The following SCFD2 variants were observed in gnomAD, a reference collection of about 807,000 sequenced individuals.
The protein encoded by SCFD2 is sec1 family domain-containing protein 2.
SCFD2 carries 54 observed loss-of-function variants against 58.9 expected under a neutral mutation model. The observed-to-expected ratio is 0.92, with a 90% CI of 0.74 to 1.15. The LOEUF (loss-of-function observed/expected upper bound fraction) is 1.15. Among genes scored for constraint, SCFD2 ranks in the 50% most tolerant of loss-of-function variants. The pLI, the probability that SCFD2 is intolerant of heterozygous loss-of-function variation, is 0.00. For synonymous variants in SCFD2, 321 were observed against 335.9 expected, an observed-to-expected ratio of 0.96 and a Z score of 0.49; for missense variants, 805 against 836.6, an observed-to-expected ratio of 0.96 and a Z score of 0.47.
intron 6 of SCFD2, among the ~76,000 whole-genome samples, chr4:52,908,759 C>A (rs916955076): frequency 2.0e-5 from 3 of 152,144 alleles, no homozygotes; most frequent in Non-Finnish European, 4.4e-5. Flanking sequence ...TCATAAATAA[C>A]CATTCAGCAG....
chr4:53,324,738 G>T (rs1733132809), intron 2 of SCFD2, among the ~76,000 whole-genome samples: 1 of 152,124 alleles, frequency 6.6e-6, no homozygotes, highest in African/African-American at 2.4e-5. Context: ...GATGAGGGCA[G>T]GGGAATATTG....
At chr4:53,347,363 G>A (rs960348157) in intron 2 of SCFD2, among the ~76,000 whole-genome samples, 16 of 152,168 alleles carry the variant, frequency 1.1e-4, no homozygotes, top group Non-Finnish European at 1.3e-4. Context: ...AATGCCGGGA[G>A]TGCCTGGCAA....
chr4:53,195,322 C>T (rs780705018), intron 4 of SCFD2, among the ~76,000 whole-genome samples: 6 of 152,146 alleles, frequency 3.9e-5, no homozygotes, highest in African/African-American at 7.2e-5. Context: ...ACAACTTCCC[C>T]GATTTTTTTA....
intron 5 of SCFD2, among the ~76,000 whole-genome samples, chr4:52,947,300 C>T (rs1479221890): frequency 1.3e-5 from 2 of 152,114 alleles, no homozygotes; most frequent in Non-Finnish European, 2.9e-5. Context: ...TTATTTAGAG[C>T]GAGCTCCGGC....
intron 6 of SCFD2, 38 bp from the exon 7 acceptor site, chr4:52,907,629 G>T (rs1344276311): frequency 1.9e-6 from 3 of 1,609,552 alleles, no homozygotes; most frequent in African/African-American, 1.3e-5. Context: ...GGGATTGTTT[G>T]GTTTGTCTGG....
At chr4:53,118,019 C>T (rs956342957) in intron 5 of SCFD2, among the ~76,000 whole-genome samples, 1 of 152,064 alleles carries the variant, frequency 6.6e-6, no homozygotes, top group Non-Finnish European at 1.5e-5. Context: ...CTCAATTCAC[C>T]CAAAACAACC....
At chr4:53,284,646 T>A (rs1373861412) in intron 3 of SCFD2, among the ~76,000 whole-genome samples, 6 of 152,200 alleles carry the variant, frequency 3.9e-5, no homozygotes, top group African/African-American at 1.4e-4. Context: ...AAATAATAAC[T>A]GCCTACACTT....
intron 4 of SCFD2, among the ~76,000 whole-genome samples, chr4:53,217,780 A>C (rs548881521): frequency 1.3e-4 from 20 of 152,220 alleles, no homozygotes; most frequent in Non-Finnish European, 2.4e-4. Flanking sequence ...GTGGCTGGTA[A>C]CGGTTGTTCC....
intron 4 of SCFD2, among the ~76,000 whole-genome samples, chr4:53,237,958 AC>A (rs1266317068): frequency 1.3e-5 from 1 of 76,930 alleles, no homozygotes; most frequent in Non-Finnish European, 2.6e-5. Flanking sequence ...CGAGGGGCTG[AC>A]CCCCCCACCT....
At chr4:52,996,315 A>G (rs1229652154) in intron 5 of SCFD2, among the ~76,000 whole-genome samples, 1 of 152,230 alleles carries the variant, frequency 6.6e-6, no homozygotes, top group Non-Finnish European at 1.5e-5. Flanking sequence ...TGCAGACGAT[A>G]ACAGAGCAAT....
chr4:53,235,679 A>T (rs540313178), intron 4 of SCFD2, among the ~76,000 whole-genome samples: 1 of 152,342 alleles, frequency 6.6e-6, no homozygotes, highest in Admixed American at 6.5e-5. Flanking sequence ...GCAATTGTAA[A>T]TGCTCTGAGA....
intron 3 of SCFD2, among the ~76,000 whole-genome samples, chr4:53,281,241 C>G (rs1560426668): frequency 1.3e-5 from 2 of 152,154 alleles, no homozygotes; most frequent in Non-Finnish European, 2.9e-5. Flanking sequence ...GCCTTTTTAA[C>G]TGTGCTAATA....
At chr4:52,961,190 C>T (rs571016774) in intron 5 of SCFD2, among the ~76,000 whole-genome samples, 5 of 152,314 alleles carry the variant, frequency 3.3e-5, no homozygotes, top group African/African-American at 7.2e-5. Flanking sequence ...ACGGTGAGGG[C>T]TCAGCATGGC....
chr4:52,920,307 C>G (rs1719704380), intron 6 of SCFD2, among the ~76,000 whole-genome samples: 1 of 152,212 alleles, frequency 6.6e-6, no homozygotes, highest in East Asian at 1.9e-4. Context: ...CTTGTCGTAA[C>G]ATTATCAGGT....
intron 7 of SCFD2, among the ~76,000 whole-genome samples, chr4:52,905,269 T>A (rs1277056426): frequency 6.6e-6 from 1 of 152,230 alleles, no homozygotes; most frequent in African/African-American, 2.4e-5. Flanking sequence ...AAAGCCCTAC[T>A]GGGTGTTCCT....
intron 4 of SCFD2, among the ~76,000 whole-genome samples, chr4:53,165,638 T>C (rs1238998851): frequency 6.6e-6 from 1 of 152,210 alleles, no homozygotes; most frequent in Non-Finnish European, 1.5e-5. Context: ...TATTTCTCTA[T>C]AGTCCTTTTC....
chr4:53,097,531 TA>T (rs1156679135), intron 5 of SCFD2, among the ~76,000 whole-genome samples: 2 of 152,206 alleles, frequency 1.3e-5, no homozygotes, highest in Non-Finnish European at 2.9e-5. Flanking sequence ...GTTATTGGTG[TA>T]TAAGAATGCT....
At chr4:52,901,136 C>T (rs1719187954) in intron 7 of SCFD2, among the ~76,000 whole-genome samples, 2 of 152,348 alleles carry the variant, frequency 1.3e-5, no homozygotes, top group Middle Eastern at 3.4e-3. Context: ...GCACGGTGCA[C>T]TGCACCCAGT....
chr4:53,310,928 C>T (rs1732670388), intron 3 of SCFD2, among the ~76,000 whole-genome samples: 1 of 152,148 alleles, frequency 6.6e-6, no homozygotes. Flanking sequence ...GCCTTTATCA[C>T]AGTCAGAAAA....
Sources: allele counts gnomAD v4.1 joint callset (sites outside exome capture counted in the v4.1 genomes callset), GRCh38; gene constraint gnomAD v4.1.1; transcripts MANE v1.5; gene names NCBI Gene and HGNC (gene_info 2026-07-23, HGNC 2026-07-21).